HSP90AB1: variants seen among roughly 807,000 people sequenced by gnomAD.
HSP90AB1 encodes the protein heat shock protein HSP 90-beta.
In HSP90AB1, 17 loss-of-function variants were observed where a neutral mutation model predicts 67.8. That is an observed-to-expected ratio of 0.25 (90% CI 0.17 to 0.38). The LOEUF is 0.38. Ranked by LOEUF, HSP90AB1 falls within the 10% of genes least tolerant of loss-of-function variation. The probability of loss-of-function intolerance (pLI) is 1.00; values close to 1 mark genes in which losing one functional copy is unlikely to be tolerated. For missense variants in HSP90AB1, 690 were observed against 899.9 expected, an observed-to-expected ratio of 0.77 and a Z score of 2.98; for synonymous variants, 390 against 312.9, an observed-to-expected ratio of 1.25 and a Z score of -2.60.
chr6:44,248,538 C>A, intron 1 of HSP90AB1, 92 bp from the exon 2 acceptor site: 1 of 1,196,130 alleles, frequency 8.4e-7, no homozygotes, highest in South Asian at 1.5e-5. Context: ...TCTGAACTCA[C>A]TGTCTAAGGT....
intron 10 of HSP90AB1, among the ~76,000 whole-genome samples, chr6:44,252,568 TC>T (rs1780804916): frequency 6.6e-6 from 1 of 152,190 alleles, no homozygotes. Flanking sequence ...CGATCTCTGC[TC>T]ATTGCAAGCT....
rs146175316 is a variant in HSP90AB1, at chr6:44,252,183, G to C, written c.1647G>C (p.Glu549Asp). The change falls in exon 10 of 12, where the codon GAG becomes GAC. Residue 549 changes from glutamate to aspartate, a missense_variant. This residue lies in a region of HSP90AB1 where 206 missense variants were observed against 221.4 expected (regional missense o/e 0.93). Transcript: ENST00000371646. ...EGLELPEDEE[E>D]KKKMEESKAK... ...TGGAGCTGCCTGAGGATGAGGAGGA[G>C]AAGAAGAAGATGGAAGAGAGCAAGG... 1.5e-5 allele frequency: 24 copies of C among 1,613,916 alleles called. No homozygotes were observed. The highest frequency in any genetic ancestry group is 3.3e-4 in the Middle Eastern group (2 of 6,084).
In HSP90AB1 at chr6:44,253,678, TC is replaced by T; in HGVS notation, c.*83del. 2 of 1,031,246 alleles carry T rather than the reference TC, an allele frequency of 1.9e-6. No individual in the cohort carries two copies. Among genetic ancestry groups the T allele is most frequent in the Non-Finnish European group, 3.1e-6 (2 of 647,312 alleles). The allele number at this position is 1,031,246 out of a possible 1,614,324, so 63.9% of individuals were successfully genotyped here. A position where few individuals can be genotyped will look rare whatever the true frequency, so the allele number is the denominator to read the frequency against. On this transcript the variant is annotated 3_prime_UTR_variant, in exon 12 of 12. Coordinates refer to ENST00000371646, the MANE Select transcript of HSP90AB1 (RefSeq NM_007355.4). ...CCCACTGCAGCCTCGAGTGCCCCTG[TC>T]CCACCTGGCTCCCCCTGCTGGTGTC...
chr6:44,246,770 ACGC>A (rs566783259), upstream of HSP90AB1, among the ~76,000 whole-genome samples: 13 of 152,020 alleles, frequency 8.6e-5, no homozygotes, highest in South Asian at 2.7e-3. Context: ...GGGTGTGGGG[ACGC>A]CTGCCCCACA....
intron 1 of HSP90AB1, 143 bp from the exon 2 acceptor site, chr6:44,248,487 A>G (rs953075991): frequency 1.0e-4 from 63 of 626,728 alleles, no homozygotes; most frequent in Admixed American, 6.6e-4. Flanking sequence ...AAGAGAATGC[A>G]TTTTTAGTCT....
chr6:44,251,033 T>A lies in HSP90AB1; in HGVS notation c.958-15T>A. On this transcript the variant is annotated splice_polypyrimidine_tract_variant and intron_variant, in intron 6 of 11. Transcript: ENST00000371646. Reference sequence around the variant, plus strand: ...CCTCTTTTGAAATGTACCACTTATTTTTGGTTTCTTTCAGCACTTTTCTGT... The same window carrying A: ...CCTCTTTTGAAATGTACCACTTATTATTGGTTTCTTTCAGCACTTTTCTGT... 1 of 1,612,660 alleles carries A rather than the reference T, an allele frequency of 6.2e-7. No individual in the cohort carries two copies. The highest frequency in any genetic ancestry group is 8.5e-7 in the Non-Finnish European group (1 of 1,178,796).
At position 44,252,270 on chromosome 6, in the gene HSP90AB1, A is replaced by C; in HGVS notation, c.1731+3A>C. ...TCTTAGATAAGAAGGTTGAGAAGGT[A>C]AGCCATTCTGGGGCTAGGATATATT... On this transcript the variant is annotated splice_donor_region_variant and intron_variant, in intron 10 of 11. Transcript: ENST00000371646. 1 of 1,612,840 alleles carries C rather than the reference A, an allele frequency of 6.2e-7. No individual in the cohort carries two copies. Among genetic ancestry groups the C allele is most frequent in the Non-Finnish European group, 8.5e-7 (1 of 1,179,730 alleles).
chr6:44,251,259 G>T (rs1780606735), intron 7 of HSP90AB1, 46 bp downstream of exon 7: 1 of 1,601,672 alleles, frequency 6.2e-7, no homozygotes, highest in South Asian at 1.1e-5. Context: ...GTCTTGGGAG[G>T]TTTTAGGCAT....
At chr6:44,253,421 C>G in intron 11 of HSP90AB1, 43 bp downstream of exon 11, 1 of 1,601,470 alleles carries the variant, frequency 6.2e-7, no homozygotes. Flanking sequence ...GTTTGTGCAA[C>G]TCGTCTCCTC....
Position 44,252,237 on chromosome 6 carries a change from G to T in HSP90AB1, c.1701G>T (p.Met567Ile). ...AGTTTGAGAACCTCTGCAAGCTCAT[G>T]AAAGAAATCTTAGATAAGAAGGTTG... ...KAKFENLCKL[M>I]KEILDKKVEK... Residue 567 changes from methionine to isoleucine, a missense_variant, in exon 10 of 12, where the codon ATG becomes ATT. Around this residue, in one of 7 missense-constraint regions of HSP90AB1, gnomAD observed 206 missense variants for 221.4 expected, o/e 0.93. Coordinates refer to ENST00000371646, the MANE Select transcript of HSP90AB1 (RefSeq NM_007355.4). 6.2e-7 allele frequency: 1 copy of T among 1,614,026 alleles called. No individual in the cohort carries two copies. Among genetic ancestry groups the T allele is most frequent in the Non-Finnish European group, 8.5e-7 (1 of 1,179,998 alleles).
intron 11 of HSP90AB1, 49 bp from the exon 12 acceptor site, chr6:44,253,440 T>G: frequency 6.2e-7 from 1 of 1,604,500 alleles, no homozygotes; most frequent in Non-Finnish European, 8.5e-7. Flanking sequence ...TCTATGGATT[T>G]GACTTAATGC....
chr6:44,253,403 G>A, intron 11 of HSP90AB1, 25 bp downstream of exon 11: 1 of 1,599,326 alleles, frequency 6.3e-7, no homozygotes, highest in East Asian at 2.2e-5. Flanking sequence ...TACTTGGTGT[G>A]GCAAGGAGTT....
chr6:44,251,519 G>C lies in HSP90AB1; in HGVS notation c.1225G>C (p.Val409Leu), dbSNP rs761951307. Residue 409 changes from valine (V) to leucine (L), a missense_variant, in exon 8 of 12, where the codon GTT becomes CTT. Physicochemically the swap from Val to Leu is conservative, Grantham distance 32. Coordinates refer to ENST00000371646, the MANE Select transcript of HSP90AB1 (RefSeq NM_007355.4). ...KILKVIRKNI[V>L]KKCLELFSEL... The stretch of plus-strand genomic sequence containing the variant: ...CTTGAAAGTCATTCGCAAAAACATT[G>C]TTAAGAAGTGCCTTGAGCTCTTCTC... 2 of 1,612,478 alleles carry C rather than the reference G, an allele frequency of 1.2e-6. No individual in the cohort carries two copies. Among genetic ancestry groups the C allele is most frequent in the African/African-American group, 2.7e-5 (2 of 74,894 alleles).
At position 44,250,535 on chromosome 6, in the gene HSP90AB1, A is replaced by G; in HGVS notation, c.893A>G (p.Gln298Arg). 3 of 1,614,126 alleles carry G rather than the reference A, an allele frequency of 1.9e-6. No individual in the cohort carries two copies. Among genetic ancestry groups the G allele is most frequent in the Non-Finnish European group, 2.5e-6 (3 of 1,179,968 alleles). The change falls in exon 6 of 12, where the codon CAA becomes CGA. Residue 298 changes from glutamine to arginine, a missense_variant. Around this residue, in one of 7 missense-constraint regions of HSP90AB1, gnomAD observed 101 missense variants for 174.8 expected, o/e 0.58. Transcript: ENST00000371646. ...ACCAGAAACCCTGATGACATCACCC[A>G]AGAGGAGTATGGAGAATTCTACAAG... is the stretch of plus-strand genomic sequence containing the variant. ...IWTRNPDDIT[Q>R]EEYGEFYKSL... is the part of the protein sequence containing the mutation.
At chr6:44,252,942 G>GT (rs1156912249) in intron 10 of HSP90AB1, 103 bp from the exon 11 acceptor site, 11 of 897,698 alleles carry the variant, frequency 1.2e-5, no homozygotes, top group Non-Finnish European at 1.6e-5. Flanking sequence ...TCAAACTCAA[G>GT]TGGTCTGTCC....
intron 1 of HSP90AB1, among the ~76,000 whole-genome samples, chr6:44,248,412 T>C (rs1486017250): frequency 6.6e-6 from 1 of 152,238 alleles, no homozygotes; most frequent in Non-Finnish European, 1.5e-5. Flanking sequence ...GAAGAATATT[T>C]AGCTTATTTT....
rs1561899097 is a variant in HSP90AB1 at position 44,250,237 on chromosome 6, C to T, written c.649-54C>T. ...AGAATCTCATTGTCCCTGGCTTTTG[C>T]TTTCCCTGGTAGTGTTTTGTACTCC... On this transcript the variant is annotated intron_variant, in intron 5 of 11. Transcript: ENST00000371646. 3.7e-6 allele frequency: 6 copies of T among 1,610,066 alleles called. 1 individual carries two copies. The South Asian group carries it at 4.4e-5, about 12-fold the overall frequency.
In HSP90AB1 at chr6:44,252,197, A is replaced by C. The variant is rs1328268328; in HGVS notation, c.1661A>C (p.Glu554Ala). 1.9e-6 allele frequency: 3 copies of C among 1,614,056 alleles called. No homozygotes were observed. The highest frequency in any genetic ancestry group is 2.5e-6 in the Non-Finnish European group (3 of 1,180,018). The part of the protein sequence containing the change: ...PEDEEEKKKM[E>A]ESKAKFENLC... ...GATGAGGAGGAGAAGAAGAAGATGG[A>C]AGAGAGCAAGGCAAAGTTTGAGAAC... The change falls in exon 10 of 12, where the codon GAA (glutamate) becomes GCA (alanine). Residue 554 changes from glutamate to alanine, a missense_variant. Physicochemically the swap from Glu to Ala is moderately radical, Grantham distance 107. Coordinates refer to ENST00000371646, the MANE Select transcript of HSP90AB1 (RefSeq NM_007355.4).
intron 10 of HSP90AB1, 50 bp downstream of exon 10, chr6:44,252,317 C>T: frequency 6.5e-7 from 1 of 1,542,950 alleles, no homozygotes. Context: ...TCGAGGTGGG[C>T]TCCCTCACAA....
Sources: allele counts gnomAD v4.1 joint callset (sites outside exome capture counted in the v4.1 genomes callset), GRCh38; gene constraint gnomAD v4.1.1; regional missense constraint gnomAD v4.1.1; transcripts MANE v1.5; gene names NCBI Gene and HGNC (gene_info 2026-07-23, HGNC 2026-07-21).